Variants in LRRC4C observed in about 807,000 individuals in gnomAD.
LRRC4C encodes the protein leucine rich repeat containing 4C.
In LRRC4C, 5 loss-of-function variants were observed where a neutral mutation model predicts 33.6. That is an observed-to-expected ratio of 0.15 (90% confidence interval 0.08 to 0.31). The LOEUF is 0.31. LRRC4C is among the 10% of genes least tolerant of loss of function. The pLI, the probability that LRRC4C is intolerant of heterozygous loss-of-function variation, is 1.00. For synonymous variants in LRRC4C, 329 were observed against 302.0 expected (o/e 1.09, Z -0.93); for missense variants, 560 against 796.7 (o/e 0.70, Z 3.58).
chr11:41,370,427 C>T (rs541604060), intron 1 of LRRC4C, among the ~76,000 whole-genome samples: 9 of 152,180 alleles, frequency 5.9e-5, no homozygotes, highest in Middle Eastern at 3.4e-3. Flanking sequence ...TGGGAGGGAC[C>T]CAGTGGGAGA....
At chr11:40,368,407 C>T (rs1239302786) in intron 3 of LRRC4C, among the ~76,000 whole-genome samples, 1 of 152,086 alleles carries the variant, frequency 6.6e-6, no homozygotes, top group Non-Finnish European at 1.5e-5. Context: ...TCAAAATTTT[C>T]TCATAGTACC....
At chr11:40,782,750 A>G (rs1950262661) in intron 2 of LRRC4C, among the ~76,000 whole-genome samples, 1 of 152,316 alleles carries the variant, frequency 6.6e-6, no homozygotes, top group East Asian at 1.9e-4. Context: ...TTCATGAGAT[A>G]TTACTCAAAA....
intron 1 of LRRC4C, among the ~76,000 whole-genome samples, chr11:41,156,586 A>C (rs1944242017): frequency 6.6e-6 from 1 of 152,142 alleles, no homozygotes; most frequent in African/African-American, 2.4e-5. Context: ...TATATCAATG[A>C]ACAAAACAGA....
chr11:41,425,105 C>T (rs533131648), intron 1 of LRRC4C, among the ~76,000 whole-genome samples: 2 of 152,118 alleles, frequency 1.3e-5, no homozygotes, highest in African/African-American at 2.4e-5. Context: ...CAAAAGTTAA[C>T]TATTAAATCC....
rs144438948 is a variant in LRRC4C at position 40,440,405 on chromosome 11, C to G, written c.-269-120684G>C. ...TCCCATCATATTTAGGGAGAAATTA[C>G]CATCAAAATATATTTAAAGTAGAAT... On this transcript the variant is annotated intron_variant, in intron 3 of 6. Transcript: ENST00000528697. Among the ~76,000 whole-genome samples, 22 of 150,700 alleles carry G rather than the reference C, an allele frequency of 1.5e-4. 1 individual carries two copies. The East Asian group carries it at 4.3e-3, about 30-fold the overall frequency.
At chr11:40,957,191 A>G (rs1958995072) in intron 1 of LRRC4C, among the ~76,000 whole-genome samples, 3 of 151,782 alleles carry the variant, frequency 2.0e-5, no homozygotes, top group South Asian at 4.1e-4. Context: ...CAAGTAGTGG[A>G]AGTACATTCT....
chr11:41,065,955 G>GA (rs1178923830), intron 1 of LRRC4C, among the ~76,000 whole-genome samples: 5 of 152,090 alleles, frequency 3.3e-5, no homozygotes, highest in Non-Finnish European at 7.4e-5. Context: ...CAAAGATGAG[G>GA]AAAAAACAAT....
intron 4 of LRRC4C, among the ~76,000 whole-genome samples, chr11:40,258,736 G>C (rs1446490302): frequency 6.6e-6 from 1 of 152,110 alleles, no homozygotes; most frequent in African/African-American, 2.4e-5. Context: ...AAAAACTCTG[G>C]ATTCTCCAAA....
intron 1 of LRRC4C, among the ~76,000 whole-genome samples, chr11:41,414,832 G>A (rs1486272934): frequency 6.6e-6 from 1 of 151,866 alleles, no homozygotes. Context: ...TCTAAAAAAA[G>A]AAAAAGAAAA....
chr11:41,178,643 C>A (rs1388575116), intron 1 of LRRC4C, among the ~76,000 whole-genome samples: 1 of 152,148 alleles, frequency 6.6e-6, no homozygotes, highest in East Asian at 1.9e-4. Flanking sequence ...AGGCATGAAC[C>A]ACGTTGCCTA....
At chr11:41,098,448 G>T (rs915426781) in intron 1 of LRRC4C, among the ~76,000 whole-genome samples, 3 of 152,124 alleles carry the variant, frequency 2.0e-5, no homozygotes, top group African/African-American at 7.2e-5. Context: ...TAGCTCAGGT[G>T]ACTGGCTTTC....
intron 3 of LRRC4C, among the ~76,000 whole-genome samples, chr11:40,479,735 C>G (rs754940241): frequency 6.6e-6 from 1 of 151,918 alleles, no homozygotes; most frequent in East Asian, 1.9e-4. Flanking sequence ...GAAAACCCAA[C>G]GTTTGTTTTC....
intron 5 of LRRC4C, among the ~76,000 whole-genome samples, chr11:40,155,410 A>G (rs2135284538): frequency 6.6e-6 from 1 of 152,144 alleles, no homozygotes; most frequent in South Asian, 2.1e-4. Context: ...GATAAATGAA[A>G]CAAAACCTGG....
chr11:40,521,208 A>C (rs1293786424), intron 3 of LRRC4C, among the ~76,000 whole-genome samples: 1 of 152,214 alleles, frequency 6.6e-6, no homozygotes. Flanking sequence ...GCAGTCTAAA[A>C]GGAAAAATTG....
chr11:40,747,985 T>G (rs1948506061), intron 2 of LRRC4C, among the ~76,000 whole-genome samples: 1 of 152,040 alleles, frequency 6.6e-6, no homozygotes, highest in African/African-American at 2.4e-5. Flanking sequence ...TAAAACCTAG[T>G]TAACAAAAAT....
chr11:40,243,832 G>A (rs1021923019), intron 4 of LRRC4C, among the ~76,000 whole-genome samples: 7 of 149,606 alleles, frequency 4.7e-5, no homozygotes, highest in Non-Finnish European at 7.4e-5. Context: ...GGGATTATAG[G>A]CTCCTGCCAC....
intron 1 of LRRC4C, among the ~76,000 whole-genome samples, chr11:41,416,849 T>C (rs1475398558): frequency 2.0e-5 from 3 of 152,058 alleles, no homozygotes; most frequent in African/African-American, 4.8e-5. Context: ...ATTCTCTACA[T>C]ACCCCTGGTG....
intron 2 of LRRC4C, among the ~76,000 whole-genome samples, chr11:40,743,580 C>T (rs935649369): frequency 3.3e-5 from 5 of 152,056 alleles, no homozygotes; most frequent in Non-Finnish European, 7.4e-5. Context: ...TGTGAACTAA[C>T]ATATTCACAG....
intron 1 of LRRC4C, among the ~76,000 whole-genome samples, chr11:41,065,513 A>T (rs1938164132): frequency 6.6e-6 from 1 of 152,138 alleles, no homozygotes; most frequent in African/African-American, 2.4e-5. Context: ...CTCTGAAGAG[A>T]GTGGCTGATC....
Sources: gnomAD v4.1 joint callset for allele counts (sites outside exome capture counted in the v4.1 genomes callset) on GRCh38, gnomAD v4.1.1 for gene constraint, MANE v1.5 for transcripts, NCBI Gene and HGNC (gene_info 2026-07-23, HGNC 2026-07-21) for gene names.